Variants in DMBT1 observed in about 807,000 individuals in gnomAD.
DMBT1 encodes the protein scavenger receptor cysteine-rich domain-containing protein DMBT1.
DMBT1 carries 198 observed loss-of-function variants against 252.9 expected under a neutral mutation model. The ratio of observed to expected loss-of-function variants is 0.78; its 90% CI spans 0.70 to 0.88. The LOEUF (loss-of-function observed/expected upper bound fraction) is 0.88. Among genes scored for constraint, DMBT1 ranks in the 40% least tolerant of loss-of-function variants. The probability of loss-of-function intolerance (pLI) is 0.00; values close to 1 mark genes in which losing one functional copy is unlikely to be tolerated. For missense variants in DMBT1, 2,432 were observed against 2,404.7 expected (o/e 1.01, Z -0.24); for synonymous variants, 990 against 942.7 (o/e 1.05, Z -0.92).
At chr10:122,619,285 A>G in intron 41 of DMBT1, 23 bp from the exon 42 acceptor site, 1 of 1,613,604 alleles carries the variant, frequency 6.2e-7, no homozygotes, top group Non-Finnish European at 8.5e-7. Flanking sequence ...ATCTGATCTG[A>G]CCTTCTCTTC....
rs541378240 is a variant in DMBT1 at position 122,584,871 on chromosome 10, T to C, written c.1421-400T>C. On this transcript the variant is annotated intron_variant, in intron 14 of 55. Transcript: ENST00000338354. ...CATGCTCGGGCAGGGAGAGGGATAA[T>C]AAATATTTCTGGTGCCTCCACTTAC... Among the ~76,000 whole-genome samples the C allele has an allele frequency of 4.4e-4, 65 of 149,100 alleles. 4 individuals are homozygous for C. The highest frequency in any genetic ancestry group is 1.5e-3 in the African/African-American group (60 of 41,298).
chr10:122,599,210 TC>T (rs2097915433), intron 26 of DMBT1, 113 bp downstream of exon 26: 1 of 1,550,726 alleles, frequency 6.4e-7, no homozygotes, highest in African/African-American at 1.4e-5. Context: ...TTTCTATATT[TC>T]TGAAGACTTG....
intron 10 of DMBT1, 139 bp downstream of exon 10, chr10:122,580,040 A>G (rs905940613): frequency 2.4e-5 from 36 of 1,478,940 alleles, no homozygotes; most frequent in Non-Finnish European, 3.0e-5. Flanking sequence ...TCTGCTAAGA[A>G]TCCATATGTA....
intron 20 of DMBT1, 44 bp downstream of exon 20, chr10:122,592,639 T>C (rs2097858660): frequency 6.3e-7 from 1 of 1,585,652 alleles, no homozygotes; most frequent in African/African-American, 1.3e-5. Context: ...GACTGGAGTT[T>C]GCTCAGGAAG....
In DMBT1 at chr10:122,598,816, A is replaced by G. The variant is rs767806368; in HGVS notation, c.2999A>G (p.Asp1000Gly). The change falls in exon 26 of 56, where the codon GAC becomes GGC. Residue 1000 changes from aspartate to glycine, a missense_variant. Asp to Gly is a moderately conservative substitution (Grantham distance 94, BLOSUM62 -1). This residue lies in a region of DMBT1 where 1,264 missense variants were observed against 1,082.2 expected (regional missense o/e 1.17). Coordinates refer to ENST00000338354, the MANE Select transcript of DMBT1 (RefSeq NM_001377530.1). ...GCCCTGAGGCTGGTGAATGGAGGTG[A>G]CAGGTGTCAGGGCCGAGTGGAGGTC... ...SLALRLVNGGDRCQGRVEVLY... is the reference protein window; with the variant it reads ...SLALRLVNGGGRCQGRVEVLY... The G allele has an allele frequency of 6.2e-7, 1 of 1,613,542 alleles. No individual in the cohort carries two copies. Among genetic ancestry groups the G allele is most frequent in the Non-Finnish European group, 8.5e-7 (1 of 1,179,744 alleles).
chr10:122,572,269 AG>A, intron 4 of DMBT1, 44 bp from the exon 5 acceptor site: 1 of 1,611,478 alleles, frequency 6.2e-7, no homozygotes, highest in Non-Finnish European at 8.5e-7. Flanking sequence ...ACCCTCTTCA[AG>A]CAAGGGCTAC....
rs1242875514 is a variant in DMBT1, at chr10:122,590,701, C to A, written c.2137+7C>A. On this transcript the variant is annotated splice_region_variant and intron_variant, in intron 18 of 55. Transcript: ENST00000338354. ...CGGTCGACGCCCAGGCCAGGTGAGTCCCCAGTGTCCTTCCTTGGGATGTCC... is the reference window on the plus strand; with the variant it reads ...CGGTCGACGCCCAGGCCAGGTGAGTACCCAGTGTCCTTCCTTGGGATGTCC... 4.4e-6 allele frequency: 7 copies of A among 1,587,128 alleles called. 1 individual carries two copies. Among genetic ancestry groups the A allele is most frequent in the Non-Finnish European group, 6.0e-6 (7 of 1,164,778 alleles).
Position 122,643,676 on chromosome 10 carries a change from A to G in DMBT1, c.*278A>G, listed in dbSNP as rs115574732. 176 of 493,650 alleles carry G rather than the reference A, an allele frequency of 3.6e-4. No homozygotes were observed. The highest frequency in any genetic ancestry group is 3.1e-3 in the African/African-American group (161 of 52,150). 30.6% of individuals were successfully genotyped at this position (493,650 alleles called of 1,614,324 possible). A position where few individuals can be genotyped will look rare whatever the true frequency, so the allele number is the denominator to read the frequency against. On this transcript the variant is annotated 3_prime_UTR_variant, in exon 56 of 56. Transcript: ENST00000338354. ...TCTCATCTGCAAAATGAAAATGTCA[A>G]TACTTACTTCTTAGCACTGTTGAGA... is the stretch of plus-strand genomic sequence containing the variant.
rs778024204 is a variant in DMBT1, at chr10:122,591,489, G to A, written c.2148G>A (p.Ser716=). ...SRSTPRPDTL[S]TITLPPSTVG... is the part of the protein sequence containing the mutation. ...TGTTGCAATTTACAGACACGTTGTC[G>A]ACCATCACGTTACCTCCATCGACAG... is the stretch of plus-strand genomic sequence containing the variant. Residue 716 remains serine, a synonymous_variant, in exon 19 of 56, where the codon TCG becomes TCA. Transcript: ENST00000338354. The A allele has an allele frequency of 1.1e-5, 17 of 1,587,132 alleles. 1 individual carries two copies. The highest frequency in any genetic ancestry group is 1.3e-5 in the African/African-American group (1 of 74,494).
At chr10:122,567,513 GC>G (rs1451148132) in intron 2 of DMBT1, among the ~76,000 whole-genome samples, 3 of 152,094 alleles carry the variant, frequency 2.0e-5, no homozygotes, top group Non-Finnish European at 4.4e-5. Flanking sequence ...AAAGCAACCT[GC>G]CCCCTCCCTT....
At position 122,641,414 on chromosome 10, in the gene DMBT1, T is replaced by G. The variant is rs146279611; in HGVS notation, c.7352+965T>G. Among the ~76,000 whole-genome samples, 372 of 152,332 alleles carry G rather than the reference T, an allele frequency of 2.4e-3. 2 individuals carry two copies. The highest frequency in any genetic ancestry group is 2.4e-3 in the Non-Finnish European group (162 of 68,024). Reference sequence around the variant, plus strand: ...ATACCAATAGGATAAAGAGTTCTACTAGGAATTAGAGGTGGGCAGATTCAA... The same window carrying G: ...ATACCAATAGGATAAAGAGTTCTACGAGGAATTAGAGGTGGGCAGATTCAA... On this transcript the variant is annotated intron_variant, in intron 55 of 55. Coordinates refer to ENST00000338354, the MANE Select transcript of DMBT1 (RefSeq NM_001377530.1).
In DMBT1 at chr10:122,589,103, C is replaced by T; in HGVS notation, c.1943C>T (p.Ala648Val). The change falls in exon 17 of 56, where the codon GCC becomes GTC. Residue 648 changes from alanine (A) to valine (V), a missense_variant. By Grantham distance (64) the Ala-to-Val change is moderately conservative. Coordinates refer to ENST00000338354, the MANE Select transcript of DMBT1 (RefSeq NM_001377530.1). ...TGCAGGCAGCTGGGCTGTGGCTGGG[C>T]CACGTCAGCCCCAGGAAATGCCCGG... ...VVCRQLGCGW[A>V]TSAPGNARFG... 1.9e-6 allele frequency: 3 copies of T among 1,588,554 alleles called. No individual in the cohort carries two copies. Among genetic ancestry groups the T allele is most frequent in the Non-Finnish European group, 2.6e-6 (3 of 1,165,840 alleles).
At position 122,585,648 on chromosome 10, in the gene DMBT1, A is replaced by G. The variant is rs1485996190; in HGVS notation, c.1459+339A>G. The stretch of plus-strand genomic sequence containing the variant: ...GCTGCAGAGGTGTGAAGAGTCAGTG[A>G]AAGTGAGTGTCCCCACACCTGTCTG... On this transcript the variant is annotated intron_variant, in intron 15 of 55. Transcript: ENST00000338354. 2.6e-4 allele frequency among the ~76,000 whole-genome samples: 39 copies of G among 148,722 alleles called. 4 individuals carry two copies. Among genetic ancestry groups the G allele is most frequent in the Admixed American group, 1.7e-3 (25 of 14,994 alleles).
intron 6 of DMBT1, among the ~76,000 whole-genome samples, chr10:122,575,295 G>T (rs1324762158): frequency 6.6e-6 from 1 of 152,164 alleles, no homozygotes; most frequent in Admixed American, 6.5e-5. Context: ...TAGGTTACAT[G>T]TAGGCACATC....
At chr10:122,626,174 G>T (rs1030662247) in intron 46 of DMBT1, among the ~76,000 whole-genome samples, 1 of 152,156 alleles carries the variant, frequency 6.6e-6, no homozygotes, top group Non-Finnish European at 1.5e-5. Flanking sequence ...ATTTTGGGGG[G>T]TATCTCCAAA....
At chr10:122,593,472 T>G in intron 20 of DMBT1, 97 bp from the exon 21 acceptor site, 1 of 1,324,386 alleles carries the variant, frequency 7.6e-7, no homozygotes. Context: ...TAGGATGGAC[T>G]GAGTGTCAGA....
chr10:122,596,946 T>C (rs2097887007), intron 23 of DMBT1, 79 bp from the exon 24 acceptor site: 8 of 385,562 alleles, frequency 2.1e-5, no homozygotes, highest in Middle Eastern at 1.2e-3. Flanking sequence ...AGGCATGATC[T>C]GTTTAGTTCC....
At chr10:122,561,893 A>G (rs2097549998) in intron 1 of DMBT1, among the ~76,000 whole-genome samples, 1 of 81,716 alleles carries the variant, frequency 1.2e-5, no homozygotes, top group African/African-American at 4.1e-5. Flanking sequence ...AGCTATTATC[A>G]CCTTTCTCTC....
In DMBT1 at chr10:122,619,115, T is replaced by C. The variant is rs185803750; in HGVS notation, c.5216-193T>C. On this transcript the variant is annotated intron_variant, in intron 41 of 55. Transcript: ENST00000338354. ...AAGTTACTCACCTCGGAGCTGACAA[T>C]AGTGGCCAGGATCTGCCTGCACCCC... Among the ~76,000 whole-genome samples, 483 of 152,248 alleles carry C rather than the reference T, an allele frequency of 3.2e-3. 2 individuals carry two copies. Among genetic ancestry groups the C allele is most frequent in the African/African-American group, 0.011 (439 of 41,548 alleles).
Sources: gnomAD v4.1 joint callset for allele counts (sites outside exome capture counted in the v4.1 genomes callset) on GRCh38, gnomAD v4.1.1 for gene constraint, gnomAD v4.1.1 regional missense constraint, MANE v1.5 for transcripts, NCBI Gene and HGNC (gene_info 2026-07-23, HGNC 2026-07-21) for gene names.